The following CELF1 variants were observed in gnomAD, a reference collection of about 807,000 sequenced individuals.
CELF1 encodes CUGBP Elav-like family member 1.
In CELF1, 10 loss-of-function variants were observed where a neutral mutation model predicts 61.8. The observed-to-expected ratio is 0.16, with a 90% CI of 0.10 to 0.27. The LOEUF (loss-of-function observed/expected upper bound fraction) is 0.27. CELF1 is among the 10% of genes least tolerant of loss of function. The pLI is 1.00. For missense variants in CELF1, 380 were observed against 639.1 expected, an observed-to-expected ratio of 0.59 and a Z score of 4.37; for synonymous variants, 236 against 225.1, an observed-to-expected ratio of 1.05 and a Z score of -0.43.
At position 47,466,867 on chromosome 11, in the gene CELF1, A is replaced by C. The variant is rs1400893754; in HGVS notation, c.*5363T>G. On this transcript the variant is annotated 3_prime_UTR_variant, in exon 15 of 15. Transcript: ENST00000687097. The stretch of plus-strand genomic sequence containing the variant: ...TGTGCAGTCAGACTGTGGGGTGCAC[A>C]GCAGTCTCTCAGGCTGGGGTTTCTG... 1 of 152,240 alleles carries C rather than the reference A, an allele frequency of 6.6e-6. No individual in the cohort carries two copies. The highest frequency in any genetic ancestry group is 1.9e-4 in the East Asian group (1 of 5,194). 9.4% of individuals were successfully genotyped at this position (152,240 alleles called of 1,614,324 possible).
intron 8 of CELF1, 136 bp downstream of exon 8, chr11:47,483,316 GT>G (rs2084583790): frequency 7.2e-6 from 5 of 693,286 alleles, no homozygotes; most frequent in Non-Finnish European, 1.3e-5. Flanking sequence ...AAAGAAATCA[GT>G]GGTTTTTAAC....
At chr11:47,474,426 T>C (rs994468689) in intron 13 of CELF1, among the ~76,000 whole-genome samples, 1 of 152,240 alleles carries the variant, frequency 6.6e-6, no homozygotes, top group African/African-American at 2.4e-5. Context: ...AGAGACATTC[T>C]CTGAGCATTC....
At chr11:47,496,147 C>T (rs1478471708) in intron 3 of CELF1, 3 of 189,874 alleles carry the variant, frequency 1.6e-5, no homozygotes, top group East Asian at 1.9e-4. Context: ...CAGAATAATA[C>T]ATTTATGCTG....
At chr11:47,540,703 G>C (rs1367203360) in intron 1 of CELF1, among the ~76,000 whole-genome samples, 1 of 152,108 alleles carries the variant, frequency 6.6e-6, no homozygotes, top group East Asian at 1.9e-4. Context: ...GGCCAAGATG[G>C]TGAAACCCCG....
At chr11:47,482,409 C>G in intron 9 of CELF1, 1 of 232,190 alleles carries the variant, frequency 4.3e-6, no homozygotes, top group Non-Finnish European at 8.3e-6. Flanking sequence ...TTCTTGGAGG[C>G]AAGGACACAA....
At chr11:47,472,772 T>C (rs2153362986) in intron 14 of CELF1, among the ~76,000 whole-genome samples, 2 of 152,286 alleles carry the variant, frequency 1.3e-5, no homozygotes, top group South Asian at 2.1e-4. Flanking sequence ...CTCGAACTCC[T>C]AGGCTCAAGC....
intron 1 of CELF1, among the ~76,000 whole-genome samples, chr11:47,515,939 T>TA (rs1233393482): frequency 6.6e-6 from 1 of 152,084 alleles, no homozygotes; most frequent in Non-Finnish European, 1.5e-5. Flanking sequence ...TTTTTTTAGA[T>TA]AGAGTCTTGC....
chr11:47,474,684 C>T (rs2079212314), intron 13 of CELF1, among the ~76,000 whole-genome samples: 1 of 152,200 alleles, frequency 6.6e-6, no homozygotes. Context: ...CTTTTTCCTA[C>T]ATTAGTGCTT....
At chr11:47,559,209 C>A (rs1165467889) in intron 2 of CELF1, among the ~76,000 whole-genome samples, 1 of 150,674 alleles carries the variant, frequency 6.6e-6, no homozygotes, top group Non-Finnish European at 1.5e-5. Flanking sequence ...AATTCTCCTA[C>A]CTCAGCCTCC....
chr11:47,508,008 T>C (rs2094663029), intron 1 of CELF1, among the ~76,000 whole-genome samples: 1 of 152,200 alleles, frequency 6.6e-6, no homozygotes, highest in Admixed American at 6.5e-5. Flanking sequence ...GTTCACAAAC[T>C]TCATTCAATC....
chr11:47,564,656 TGGC>T (rs2097238836), intron 1 of CELF1, among the ~76,000 whole-genome samples: 2 of 151,640 alleles, frequency 1.3e-5, no homozygotes, highest in South Asian at 4.1e-4. Context: ...CTGGGTGTGG[TGGC>T]ATGCACCTGT....
rs1332074210 is a variant in CELF1 at position 47,466,386 on chromosome 11, A to G, written c.*5844T>C. On this transcript the variant is annotated 3_prime_UTR_variant, in exon 15 of 15. Coordinates refer to ENST00000687097, the MANE Select transcript of CELF1 (RefSeq NM_001376376.1). The stretch of plus-strand genomic sequence containing the variant: ...GTTGATTGAATCCCGTTGTTGCTGC[A>G]GAACAGACTGTGCGTTTGGTCATAG... 2 of 152,240 alleles carry G rather than the reference A, an allele frequency of 1.3e-5. No homozygotes were observed. The highest frequency in any genetic ancestry group is 6.5e-5 in the Admixed American group (1 of 15,288). 9.4% of individuals were successfully genotyped at this position (152,240 alleles called of 1,614,324 possible).
At position 47,470,709 on chromosome 11, in the gene CELF1, C is replaced by T. The variant is rs1265699861; in HGVS notation, c.*1521G>A. The T allele has an allele frequency of 6.6e-6, 1 of 152,178 alleles. No individual in the cohort carries two copies. The highest frequency in any genetic ancestry group is 1.5e-5 in the Non-Finnish European group (1 of 68,048). 9.4% of individuals were successfully genotyped at this position (152,178 alleles called of 1,614,324 possible). A position where few individuals can be genotyped will look rare whatever the true frequency, so the allele number is the denominator to read the frequency against. ...CTGGTATTTGTTGAGGTTTCAGATT[C>T]CAGAGACCCAGGGATCCCATCCCTG... On this transcript the variant is annotated 3_prime_UTR_variant, in exon 15 of 15. Coordinates refer to ENST00000687097, the MANE Select transcript of CELF1 (RefSeq NM_001376376.1).
Position 47,503,222 on chromosome 11 carries a change from C to A in CELF1, c.-153-2290G>T, listed in dbSNP as rs79161232. On this transcript the variant is annotated intron_variant, in intron 1 of 14. Coordinates refer to ENST00000687097, the MANE Select transcript of CELF1 (RefSeq NM_001376376.1). The stretch of plus-strand genomic sequence containing the variant: ...ATTTAGGATATAGGAATAGTATAAA[C>A]TTAACAGGAAGATGTAAAACTGGAT... Among the ~76,000 whole-genome samples the A allele has an allele frequency of 2.0e-3, 307 of 152,254 alleles. 2 individuals are homozygous for A. The highest frequency in any genetic ancestry group is 7.0e-3 in the African/African-American group (291 of 41,552).
intron 2 of CELF1, among the ~76,000 whole-genome samples, chr11:47,563,786 C>A (rs1389666672): frequency 1.3e-5 from 2 of 150,816 alleles, no homozygotes; most frequent in African/African-American, 2.4e-5. Context: ...TTTGGAAGGC[C>A]GAGGGGGACG....
At chr11:47,487,939 T>C (rs1228716175) in intron 4 of CELF1, among the ~76,000 whole-genome samples, 1 of 152,188 alleles carries the variant, frequency 6.6e-6, no homozygotes, top group Non-Finnish European at 1.5e-5. Context: ...TGAGATACAA[T>C]ATAGATTTTT....
At chr11:47,559,738 A>T (rs905329897) in intron 2 of CELF1, among the ~76,000 whole-genome samples, 3 of 152,242 alleles carry the variant, frequency 2.0e-5, no homozygotes, top group Non-Finnish European at 4.4e-5. Flanking sequence ...GCAGTGGCCC[A>T]TGCCTGTAAT....
rs867211116 is a variant in CELF1, at chr11:47,494,566, C to A, written c.71+4887G>T. On this transcript the variant is annotated intron_variant, in intron 3 of 14. Coordinates refer to ENST00000687097, the MANE Select transcript of CELF1 (RefSeq NM_001376376.1). The stretch of plus-strand genomic sequence containing the variant: ...GAACACTCTCTTCTCTTTCTCCTTT[C>A]TTTTCCCCTCTCAAAATTTCCCCAC... 7.0e-6 allele frequency: 6 copies of A among 855,180 alleles called. No individual in the cohort carries two copies. The South Asian group carries it at 3.2e-4, about 46-fold the overall frequency. The allele number at this position is 855,180 out of a possible 1,614,324, so 53.0% of individuals were successfully genotyped here. A position where few individuals can be genotyped will look rare whatever the true frequency, so the allele number is the denominator to read the frequency against.
rs112651093 is a variant in CELF1 at position 47,533,635 on chromosome 11, A to C, written c.-154+19357T>G. 6.4e-3 allele frequency among the ~76,000 whole-genome samples: 955 copies of C among 148,844 alleles called. 37 individuals carry two copies. The highest frequency in any genetic ancestry group is 0.058 in the Admixed American group (855 of 14,720). ...GAGACTCCATTTCAAAAAATAAATAAATACATACATACATACATACATAAA... is the reference window on the plus strand; with the variant it reads ...GAGACTCCATTTCAAAAAATAAATACATACATACATACATACATACATAAA... On this transcript the variant is annotated intron_variant, in intron 1 of 14. Coordinates refer to ENST00000687097, the MANE Select transcript of CELF1 (RefSeq NM_001376376.1).
Sources: allele counts gnomAD v4.1 joint callset (sites outside exome capture counted in the v4.1 genomes callset), GRCh38; gene constraint gnomAD v4.1.1; transcripts MANE v1.5; gene names NCBI Gene and HGNC (gene_info 2026-07-23, HGNC 2026-07-21).